CRYGA: variants seen among roughly 807,000 people sequenced by gnomAD.
CRYGA encodes the protein crystallin gamma A.
CRYGA carries 11 observed loss-of-function variants against 13.8 expected under a neutral mutation model. The ratio of observed to expected loss-of-function variants is 0.80; its 90% CI spans 0.50 to 1.32. The LOEUF is 1.32. CRYGA is among the 40% of genes most tolerant of loss of function. The pLI is 0.00. For synonymous variants in CRYGA, 97 were observed against 89.3 expected, an observed-to-expected ratio of 1.09 and a Z score of -0.48; for missense variants, 271 against 234.1, an observed-to-expected ratio of 1.16 and a Z score of -1.03.
rs774039265 is a variant in CRYGA at position 208,160,954 on chromosome 2, G to A, written c.375C>T (p.His125=). The A allele has an allele frequency of 3.3e-5, 53 of 1,613,102 alleles. No individual in the cohort carries two copies. Among genetic ancestry groups the A allele is most frequent in the Admixed American group, 8.3e-5 (5 of 59,976 alleles). ...AGAGGACCCAGCAGCCCTCCAGTACGTGGAGGGAATAGATCTCAGGGAGAC... is the reference window on the plus strand; with the variant it reads ...AGAGGACCCAGCAGCCCTCCAGTACATGGAGGGAATAGATCTCAGGGAGAC... ...LFRLPEIYSL[H]VLEGCWVLYE... Residue 125 remains histidine, a synonymous_variant, in exon 3 of 3, where the codon CAC becomes CAT. Transcript: ENST00000304502.
At chr2:208,161,107 T>A (rs766289717) in intron 2 of CRYGA, 31 bp from the exon 3 acceptor site, 1 of 1,605,332 alleles carries the variant, frequency 6.2e-7, no homozygotes, top group South Asian at 1.1e-5. Flanking sequence ...AGAACAAAAA[T>A]AAACAGCATG....
chr2:208,161,280 C>T (rs1695753110), intron 2 of CRYGA, among the ~76,000 whole-genome samples: 1 of 152,014 alleles, frequency 6.6e-6, no homozygotes, highest in South Asian at 2.1e-4. Context: ...TTAAGTAATC[C>T]TCCCACCTCA....
At position 208,160,761 on chromosome 2, in the gene CRYGA, A is replaced by G. The variant is rs375520207; in HGVS notation, c.*43T>C. The G allele has an allele frequency of 8.3e-7, 1 of 1,204,280 alleles. No individual in the cohort carries two copies. Among genetic ancestry groups the G allele is most frequent in the African/African-American group, 1.5e-5 (1 of 65,812 alleles). The allele number at this position is 1,204,280 out of a possible 1,614,324, so 74.6% of individuals were successfully genotyped here. On this transcript the variant is annotated 3_prime_UTR_variant, in exon 3 of 3. Coordinates refer to ENST00000304502, the MANE Select transcript of CRYGA (RefSeq NM_014617.4). The stretch of plus-strand genomic sequence containing the variant: ...TTAGTGCAGGGAACACAACTTGTAT[A>G]TTTATTATGTTTCTATGGGGATCAC...
At chr2:208,161,643 T>G (rs929342884) in intron 2 of CRYGA, among the ~76,000 whole-genome samples, 1 of 152,228 alleles carries the variant, frequency 6.6e-6, no homozygotes. Flanking sequence ...GGAATAAAAG[T>G]GTGTTCTTTG....
At chr2:208,162,890 T>C (rs1444365976) in intron 2 of CRYGA, among the ~76,000 whole-genome samples, 1 of 107,758 alleles carries the variant, frequency 9.3e-6, no homozygotes, top group African/African-American at 3.1e-5. Context: ...TTTTCTTTTT[T>C]TTCTTTCTTT....
At position 208,163,346 on chromosome 2, in the gene CRYGA, C is replaced by T. The variant is rs144143988; in HGVS notation, c.110G>A (p.Arg37Gln). 11 of 1,613,966 alleles carry T rather than the reference C, an allele frequency of 6.8e-6. No homozygotes were observed. The African/African-American group carries it at 9.3e-5, about 14-fold the overall frequency. ...RVYFSRCNSI[R>Q]VDSGCWMLYE... is the part of the protein sequence containing the mutation. ...GAGCATCCAGCAGCCGCTGTCTACT[C>T]GGATGGAGTTGCAGCGGCTGAAGTA... The change falls in exon 2 of 3, where the codon CGA becomes CAA. Residue 37 changes from arginine (R) to glutamine (Q), a missense_variant. Arg to Gln is a conservative substitution (Grantham distance 43). Coordinates refer to ENST00000304502, the MANE Select transcript of CRYGA (RefSeq NM_014617.4).
At chr2:208,161,546 T>G (rs1695759313) in intron 2 of CRYGA, among the ~76,000 whole-genome samples, 1 of 152,220 alleles carries the variant, frequency 6.6e-6, no homozygotes, top group Non-Finnish European at 1.5e-5. Flanking sequence ...ATGTTGTTAT[T>G]CTAACAAATT....
chr2:208,163,225 T>A lies in CRYGA; in HGVS notation c.231A>T (p.Gln77His). 1 of 1,613,626 alleles carries A rather than the reference T, an allele frequency of 6.2e-7. No individual in the cohort carries two copies. The highest frequency in any genetic ancestry group is 8.5e-7 in the Non-Finnish European group (1 of 1,179,928). The change falls in exon 2 of 3, where the codon CAA becomes CAT. Residue 77 changes from glutamine to histidine, a missense_variant. By Grantham distance (24) the Gln-to-His change is conservative. Coordinates refer to ENST00000304502, the MANE Select transcript of CRYGA (RefSeq NM_014617.4). ...TCACATGAGGAATTATACGGCAGGATTGGACCGAGTCGCTGAGGCCCATCC... is the reference window on the plus strand; with the variant it reads ...TCACATGAGGAATTATACGGCAGGAATGGACCGAGTCGCTGAGGCCCATCC... ...QHWMGLSDSV[Q>H]SCRIIPHTSS... is the part of the protein sequence containing the mutation.
chr2:208,163,290 A>G lies in CRYGA; in HGVS notation c.166T>C (p.Tyr56His). 6.2e-7 allele frequency: 1 copy of G among 1,614,044 alleles called. No homozygotes were observed. Among genetic ancestry groups the G allele is most frequent in the Non-Finnish European group, 8.5e-7 (1 of 1,180,010 alleles). The change falls in exon 2 of 3, where the codon TAC becomes CAC. Residue 56 changes from tyrosine to histidine, a missense_variant. By Grantham distance (83) the Tyr-to-His change is moderately conservative. Coordinates refer to ENST00000304502, the MANE Select transcript of CRYGA (RefSeq NM_014617.4). ...YERPNYQGHQ[Y>H]FLRRGKYPDY... Reference sequence around the variant, plus strand: ...GGGTACTTGCCTCGGCGCAGGAAGTACTGGTGGCCCTGGTAATTGGGACGC... The same window carrying G: ...GGGTACTTGCCTCGGCGCAGGAAGTGCTGGTGGCCCTGGTAATTGGGACGC...
chr2:208,161,488 G>A (rs569856869), intron 2 of CRYGA, among the ~76,000 whole-genome samples: 145 of 152,214 alleles, frequency 9.5e-4, no homozygotes, highest in African/African-American at 2.7e-3. Flanking sequence ...TTGAAACATG[G>A]TTTTTTAAAC....
chr2:208,160,856 C>T lies in CRYGA; in HGVS notation c.473G>A (p.Gly158Glu), dbSNP rs1190919132. 1.2e-6 allele frequency: 2 copies of T among 1,612,368 alleles called. No individual in the cohort carries two copies. Among genetic ancestry groups the T allele is most frequent in the African/African-American group, 1.3e-5 (1 of 74,968 alleles). ...AGAGCCGACTTTGGCATCTGCACCCCCCCAGTCGTGGTACCTTCTGTAGTC... is the reference window on the plus strand; with the variant it reads ...AGAGCCGACTTTGGCATCTGCACCCTCCCAGTCGTGGTACCTTCTGTAGTC... ...PGDYRRYHDW[G>E]GADAKVGSLR... Residue 158 changes from glycine to glutamate, a missense_variant, in exon 3 of 3, where the codon GGG becomes GAG. Coordinates refer to ENST00000304502, the MANE Select transcript of CRYGA (RefSeq NM_014617.4).
intron 2 of CRYGA, among the ~76,000 whole-genome samples, chr2:208,162,064 T>C (rs1274573566): frequency 6.6e-6 from 1 of 152,120 alleles, no homozygotes; most frequent in East Asian, 1.9e-4. Flanking sequence ...AGCCTCCTGC[T>C]TAGCTAGGAC....
chr2:208,162,966 T>C (rs1295473621), intron 2 of CRYGA, among the ~76,000 whole-genome samples: 2 of 151,764 alleles, frequency 1.3e-5, no homozygotes, highest in Non-Finnish European at 2.9e-5. Context: ...CACCTAGATG[T>C]TACCAAGTTT....
At position 208,163,435 on chromosome 2, in the gene CRYGA, G is replaced by A. The variant is rs560771595; in HGVS notation, c.21C>T (p.Tyr7=). ...AGCGACCCTGAAAGTCTCGGTCCTC[G>A]TAGAAGGTGATCTGAGGTAGAAATA... is the stretch of plus-strand genomic sequence containing the variant. MGKITF[Y]EDRDFQGRCY... is the part of the protein sequence containing the mutation. Residue 7 remains tyrosine (Y), a synonymous_variant, in exon 2 of 3, where the codon TAC becomes TAT. Coordinates refer to ENST00000304502, the MANE Select transcript of CRYGA (RefSeq NM_014617.4). 1.9e-6 allele frequency: 3 copies of A among 1,613,592 alleles called. No individual in the cohort carries two copies. Among genetic ancestry groups the A allele is most frequent in the Admixed American group, 1.7e-5 (1 of 59,918 alleles).
rs1339627280 is a variant in CRYGA at position 208,160,931 on chromosome 2, A to G, written c.398T>C (p.Leu133Pro). 6.2e-7 allele frequency: 1 copy of G among 1,613,908 alleles called. No homozygotes were observed. The highest frequency in any genetic ancestry group is 8.5e-7 in the Non-Finnish European group (1 of 1,179,914). ...SLHVLEGCWV[L>P]YEMPNYRGRQ... ...CCCCCGGTAGTTGGGCATTTCATAG[A>G]GGACCCAGCAGCCCTCCAGTACGTG... Residue 133 changes from leucine to proline, a missense_variant, in exon 3 of 3, where the codon CTC (leucine) becomes CCC (proline). Physicochemically the swap from Leu to Pro is moderately conservative, Grantham distance 98. Coordinates refer to ENST00000304502, the MANE Select transcript of CRYGA (RefSeq NM_014617.4).
At position 208,163,434 on chromosome 2, in the gene CRYGA, C is replaced by G. The variant is rs200908113; in HGVS notation, c.22G>C (p.Glu8Gln). MGKITFYEDRDFQGRCYN... is the reference protein window; with the variant it reads MGKITFYQDRDFQGRCYN... ...CAGCGACCCTGAAAGTCTCGGTCCT[C>G]GTAGAAGGTGATCTGAGGTAGAAAT... Residue 8 changes from glutamate (E) to glutamine (Q), a missense_variant, in exon 2 of 3, where the codon GAG becomes CAG. Coordinates refer to ENST00000304502, the MANE Select transcript of CRYGA (RefSeq NM_014617.4). 1.2e-6 allele frequency: 2 copies of G among 1,613,440 alleles called. No individual in the cohort carries two copies. Among genetic ancestry groups the G allele is most frequent in the African/African-American group, 2.7e-5 (2 of 74,744 alleles).
rs779538919 is a variant in CRYGA at position 208,163,362 on chromosome 2, G to A, written c.94C>T (p.Arg32Cys). 3.1e-5 allele frequency: 50 copies of A among 1,613,874 alleles called. No individual in the cohort carries two copies. Among genetic ancestry groups the A allele is most frequent in the South Asian group, 2.0e-4 (18 of 91,068 alleles). Reference sequence around the variant, plus strand: ...CTGTCTACTCGGATGGAGTTGCAGCGGCTGAAGTAGACCCGCAGGTTGGGG... The same window carrying A: ...CTGTCTACTCGGATGGAGTTGCAGCAGCTGAAGTAGACCCGCAGGTTGGGG... The part of the protein sequence containing the change: ...DCPNLRVYFS[R>C]CNSIRVDSGC... The change falls in exon 2 of 3, where the codon CGC (arginine) becomes TGC (cysteine). Residue 32 changes from arginine to cysteine, a missense_variant. Arg to Cys is a radical substitution (Grantham distance 180). Transcript: ENST00000304502.
At chr2:208,161,869 A>G (rs1213510354) in intron 2 of CRYGA, among the ~76,000 whole-genome samples, 1 of 152,242 alleles carries the variant, frequency 6.6e-6, no homozygotes, top group Non-Finnish European at 1.5e-5. Flanking sequence ...TTCTTGCCCC[A>G]GAGAAATGCC....
chr2:208,161,475 G>A lies in CRYGA; in HGVS notation c.253-399C>T, dbSNP rs549442634. 5.8e-4 allele frequency among the ~76,000 whole-genome samples: 27 copies of A among 46,822 alleles called. No homozygotes were observed. The South Asian group carries it at 0.018, about 32-fold the overall frequency. 30.7% of individuals were successfully genotyped at this position (46,822 alleles called of 152,430 possible). On this transcript the variant is annotated intron_variant, in intron 2 of 2. Coordinates refer to ENST00000304502, the MANE Select transcript of CRYGA (RefSeq NM_014617.4). ...GATTACAAATGTTGGGATTGCACCT[G>A]GTTTGAAACATGGTTTTTTAAACCA...
Sources: allele counts gnomAD v4.1 joint callset (sites outside exome capture counted in the v4.1 genomes callset), GRCh38; gene constraint gnomAD v4.1.1; transcripts MANE v1.5; gene names NCBI Gene and HGNC (gene_info 2026-07-23, HGNC 2026-07-21).